Variants in STARD6 observed in about 807,000 individuals in gnomAD.
STARD6 encodes the protein StAR related lipid transfer domain containing 6.
In STARD6, 21 loss-of-function variants were observed where a neutral mutation model predicts 22.3. The ratio of observed to expected loss-of-function variants is 0.94; its 90% CI spans 0.67 to 1.35. The LOEUF is 1.35. Among genes scored for constraint, STARD6 ranks in the 40% most tolerant of loss-of-function variants. The pLI, the probability that STARD6 is intolerant of heterozygous loss-of-function variation, is 0.00. For missense variants in STARD6, 269 were observed against 266.9 expected (o/e 1.01, Z -0.05); for synonymous variants, 80 against 88.1 (o/e 0.91, Z 0.52).
intron 5 of STARD6, among the ~76,000 whole-genome samples, chr18:54,333,656 T>A (rs1663566775): frequency 6.6e-6 from 1 of 152,178 alleles, no homozygotes; most frequent in African/African-American, 2.4e-5. Context: ...AAGATGAAGA[T>A]CAAGGACTTT....
chr18:54,354,212 A>G, intron 3 of STARD6, 109 bp from the exon 4 acceptor site: 1 of 696,366 alleles, frequency 1.4e-6, no homozygotes, highest in Non-Finnish European at 2.4e-6. Flanking sequence ...TGTAAAAGAA[A>G]AAAATATATA....
chr18:54,343,705 C>G (rs1302750512), intron 4 of STARD6, among the ~76,000 whole-genome samples: 2 of 48,480 alleles, frequency 4.1e-5, no homozygotes, highest in Non-Finnish European at 4.1e-5. Flanking sequence ...CCAGCCGCCC[C>G]GTCCGGGAGG....
In STARD6 at chr18:54,356,581, C is replaced by T. The variant is rs533376383; in HGVS notation, c.-88-137G>A. The T allele has an allele frequency of 2.0e-5, 3 of 152,018 alleles. 1 individual carries two copies. The highest frequency in any genetic ancestry group is 7.2e-5 in the African/African-American group (3 of 41,448). 9.4% of individuals were successfully genotyped at this position (152,018 alleles called of 1,614,324 possible). ...TTAGGAAACATTTGCTACATATATG[C>T]CCCAAGATGAAAGAAAAATATAGTA... On this transcript the variant is annotated intron_variant, in intron 1 of 7. Coordinates refer to ENST00000307844, the MANE Select transcript of STARD6 (RefSeq NM_139171.2).
intron 4 of STARD6, among the ~76,000 whole-genome samples, chr18:54,338,608 C>T (rs897298557): frequency 6.6e-6 from 1 of 151,492 alleles, no homozygotes; most frequent in Admixed American, 6.6e-5. Flanking sequence ...AGAGTTGCTA[C>T]ACTATTTTAC....
intron 5 of STARD6, among the ~76,000 whole-genome samples, chr18:54,333,258 G>A (rs1264607449): frequency 6.6e-6 from 1 of 152,136 alleles, no homozygotes; most frequent in African/African-American, 2.4e-5. Flanking sequence ...GACTATCCTG[G>A]CTAACACGGT....
intron 4 of STARD6, among the ~76,000 whole-genome samples, chr18:54,349,701 A>G (rs1311793769): frequency 1.4e-4 from 22 of 152,054 alleles, no homozygotes. Flanking sequence ...TATCATTCTT[A>G]TGCCTTTGTG....
At position 54,337,103 on chromosome 18, in the gene STARD6, C is replaced by T. The variant is rs377019496; in HGVS notation, c.267+22G>A. On this transcript the variant is annotated intron_variant, in intron 5 of 7. Transcript: ENST00000307844. ...AAAAATATATTAATGTTCTAGAAGT[C>T]CAGTATTAAACAACAAATTACCGAA... The T allele has an allele frequency of 3.0e-5, 48 of 1,590,938 alleles. No homozygotes were observed. The African/African-American group carries it at 6.1e-4, about 20-fold the overall frequency.
At chr18:54,349,565 C>T (rs1330710200) in intron 4 of STARD6, among the ~76,000 whole-genome samples, 1 of 152,082 alleles carries the variant, frequency 6.6e-6, no homozygotes, top group African/African-American at 2.4e-5. Context: ...TGGATAAATT[C>T]TGTGGTGGTA....
chr18:54,333,590 G>A (rs2088884062), intron 5 of STARD6, among the ~76,000 whole-genome samples: 1 of 152,194 alleles, frequency 6.6e-6, no homozygotes, highest in Admixed American at 6.5e-5. Context: ...AGAAGATCAT[G>A]GACATGTGTT....
Position 54,334,738 on chromosome 18 carries a change from G to A in STARD6, c.267+2387C>T, listed in dbSNP as rs185833428. 4.3e-3 allele frequency among the ~76,000 whole-genome samples: 660 copies of A among 151,966 alleles called. 6 individuals carry two copies. Among genetic ancestry groups the A allele is most frequent in the Non-Finnish European group, 7.4e-3 (505 of 67,972 alleles). On this transcript the variant is annotated intron_variant, in intron 5 of 7. Coordinates refer to ENST00000307844, the MANE Select transcript of STARD6 (RefSeq NM_139171.2). ...CTCTAGCTATAAATTAGCTTCTCCT[G>A]GTTATTGCCTATACTATTATCCTAC...
Position 54,324,888 on chromosome 18 carries a change from G to C in STARD6, c.480-13C>G. Reference sequence around the variant, plus strand: ...ATATGCTGGGTTTCTGTAAGCAAAAGAAGAGTTAAAAAAAGATAAGAAATT... The same window carrying C: ...ATATGCTGGGTTTCTGTAAGCAAAACAAGAGTTAAAAAAAGATAAGAAATT... On this transcript the variant is annotated splice_polypyrimidine_tract_variant and intron_variant, in intron 7 of 7. Transcript: ENST00000307844. 1 of 1,493,918 alleles carries C rather than the reference G, an allele frequency of 6.7e-7. No homozygotes were observed. The highest frequency in any genetic ancestry group is 8.9e-7 in the Non-Finnish European group (1 of 1,127,774). The allele number at this position is 1,493,918 out of a possible 1,614,324, so 92.5% of individuals were successfully genotyped here. A position where few individuals can be genotyped will look rare whatever the true frequency, so the allele number is the denominator to read the frequency against.
chr18:54,354,964 T>C (rs1444032813), intron 2 of STARD6, among the ~76,000 whole-genome samples: 1 of 152,254 alleles, frequency 6.6e-6, no homozygotes, highest in South Asian at 2.1e-4. Flanking sequence ...TGGCATGCGA[T>C]AGTCATTCAA....
chr18:54,354,603 G>A (rs781147122), intron 2 of STARD6, 26 bp from the exon 3 acceptor site: 5 of 1,532,408 alleles, frequency 3.3e-6, no homozygotes, highest in Non-Finnish European at 4.5e-6. Flanking sequence ...ACAAACAACT[G>A]GTAAGAATAT....
chr18:54,345,796 A>AT (rs2089028268), intron 4 of STARD6, among the ~76,000 whole-genome samples: 1 of 152,178 alleles, frequency 6.6e-6, no homozygotes, highest in South Asian at 2.1e-4. Flanking sequence ...TGGTCAATTG[A>AT]TTTTTGACAA....
chr18:54,354,055 G>C lies in STARD6; in HGVS notation c.139C>G (p.Leu47Val). The change falls in exon 4 of 8, where the codon CTA becomes GTA. Residue 47 changes from leucine to valine, a missense_variant and splice_region_variant. Leu to Val is a conservative substitution (Grantham distance 32). Transcript: ENST00000307844. ...SKASRKFHGN[L>V]YRVEGIIPES... ...TTGTAAATAGAAGATTGTACTCACA[G>C]ATTTCCATGGAATTTTCTAGAAGCC... The C allele has an allele frequency of 1.3e-6, 2 of 1,560,196 alleles. No homozygotes were observed. The highest frequency in any genetic ancestry group is 8.7e-7 in the Non-Finnish European group (1 of 1,149,736).
At chr18:54,352,747 A>T (rs751502595) in intron 4 of STARD6, among the ~76,000 whole-genome samples, 3 of 152,196 alleles carry the variant, frequency 2.0e-5, no homozygotes, top group Non-Finnish European at 4.4e-5. Context: ...TTTCCAGTAA[A>T]GCTTTAGAAC....
intron 4 of STARD6, among the ~76,000 whole-genome samples, chr18:54,338,410 A>C (rs2088936392): frequency 6.6e-6 from 1 of 152,170 alleles, no homozygotes; most frequent in African/African-American, 2.4e-5. Flanking sequence ...TATGTTGACC[A>C]AGGAGTGATC....
chr18:54,335,320 G>A (rs1384786891), intron 5 of STARD6, among the ~76,000 whole-genome samples: 1 of 151,842 alleles, frequency 6.6e-6, no homozygotes, highest in Non-Finnish European at 1.5e-5. Context: ...TCAGCCTCCC[G>A]AGTAGCTGGG....
intron 4 of STARD6, chr18:54,353,818 T>A (rs1036811370): frequency 6.3e-6 from 2 of 318,916 alleles, no homozygotes; most frequent in East Asian, 1.1e-4. Context: ...TCCTATTTAG[T>A]GAATTAGTAA....
Sources: allele counts gnomAD v4.1 joint callset (sites outside exome capture counted in the v4.1 genomes callset), GRCh38; gene constraint gnomAD v4.1.1; transcripts MANE v1.5; gene names NCBI Gene and HGNC (gene_info 2026-07-23, HGNC 2026-07-21).